Variants in MTMR12 observed in about 807,000 individuals in gnomAD.
MTMR12 encodes the protein myotubularin-related protein 12.
MTMR12 carries 33 observed loss-of-function variants against 96.7 expected under a neutral mutation model. The ratio of observed to expected loss-of-function variants is 0.34; its 90% CI spans 0.26 to 0.46. MTMR12 has a LOEUF of 0.46. Among genes scored for constraint, MTMR12 ranks in the 20% least tolerant of loss-of-function variants. The pLI, the probability that MTMR12 is intolerant of heterozygous loss-of-function variation, is 1.00. For missense variants in MTMR12, 721 were observed against 896.1 expected (o/e 0.80, Z 2.49); for synonymous variants, 298 against 327.2 (o/e 0.91, Z 0.96).
intron 7 of MTMR12, among the ~76,000 whole-genome samples, chr5:32,259,841 G>A (rs1441413502): frequency 6.6e-6 from 1 of 152,000 alleles, no homozygotes; most frequent in African/African-American, 2.4e-5. Flanking sequence ...TTCAAGACCA[G>A]CCTGGCCAAC....
At position 32,312,053 on chromosome 5, in the gene MTMR12, T is replaced by A. The variant is rs562246288; in HGVS notation, c.81+705A>T. Among the ~76,000 whole-genome samples, 29 of 152,324 alleles carry A rather than the reference T, an allele frequency of 1.9e-4. No homozygotes were observed. The highest frequency in any genetic ancestry group is 3.5e-4 in the Non-Finnish European group (24 of 68,036). On this transcript the variant is annotated intron_variant, in intron 1 of 15. Transcript: ENST00000382142. This position sits in a 1 kb window ranked among gnomAD's most constrained non-coding sequence, Gnocchi z 5.0. ...ACTGATGTCTATCACAAGCACTTAGTGCCTGACACACAGTAGGAGCTCGAG... is the reference window on the plus strand; with the variant it reads ...ACTGATGTCTATCACAAGCACTTAGAGCCTGACACACAGTAGGAGCTCGAG...
At position 32,270,851 on chromosome 5, in the gene MTMR12, C is replaced by T. The variant is rs1180096753; in HGVS notation, c.455G>A (p.Cys152Tyr). The change falls in exon 5 of 16, where the codon TGT becomes TAT. Residue 152 changes from cysteine (C) to tyrosine (Y), a missense_variant. By Grantham distance (194) the Cys-to-Tyr change is radical. Transcript: ENST00000382142. Reference sequence around the variant, plus strand: ...TTCCTCTTCCTTTGTGTACCTCAGACAAAACTGGAACACTCGAAGGTCTTT... The same window carrying T: ...TTCCTCTTCCTTTGTGTACCTCAGATAAAACTGGAACACTCGAAGGTCTTT... Reference protein sequence around the residue: ...HCKDLRVFQFCLRYTKEEEVK... With the variant: ...HCKDLRVFQFYLRYTKEEEVK... 13 of 1,613,534 alleles carry T rather than the reference C, an allele frequency of 8.1e-6. No individual in the cohort carries two copies. Among genetic ancestry groups the T allele is most frequent in the Non-Finnish European group, 1.1e-5 (13 of 1,179,822 alleles).
chr5:32,311,593 A>G (rs970070777), intron 1 of MTMR12, among the ~76,000 whole-genome samples: 11 of 152,218 alleles, frequency 7.2e-5, no homozygotes, highest in African/African-American at 2.7e-4. Flanking sequence ...AGGGCAGAAA[A>G]AAACCTTTAC....
At chr5:32,269,391 C>T (rs1309820832) in intron 5 of MTMR12, among the ~76,000 whole-genome samples, 3 of 152,000 alleles carry the variant, frequency 2.0e-5, no homozygotes, top group East Asian at 1.9e-4. Flanking sequence ...GCAACCTCCA[C>T]CTCCTGGGTT....
intron 10 of MTMR12, among the ~76,000 whole-genome samples, chr5:32,246,100 TCTGTTGA>T (rs747226826): frequency 7.1e-4 from 108 of 152,294 alleles, no homozygotes; most frequent in Middle Eastern, 3.4e-3. Context: ...ATTTAAAATT[TCTGTTGA>T]AAGCTCTGCT....
intron 3 of MTMR12, among the ~76,000 whole-genome samples, chr5:32,273,152 C>T (rs1204327482): frequency 1.3e-5 from 2 of 152,132 alleles, no homozygotes; most frequent in African/African-American, 2.4e-5. Context: ...GTAATCCCAG[C>T]ACTTTGAGAG....
At chr5:32,277,326 C>T (rs1488917226) in intron 1 of MTMR12, among the ~76,000 whole-genome samples, 1 of 152,156 alleles carries the variant, frequency 6.6e-6, no homozygotes, top group Non-Finnish European at 1.5e-5. Context: ...GTGAGGTGGG[C>T]ACTCCTTATC....
At chr5:32,299,066 CACAT>C (rs1751034076) in intron 1 of MTMR12, among the ~76,000 whole-genome samples, 2 of 150,314 alleles carry the variant, frequency 1.3e-5, no homozygotes, top group African/African-American at 5.0e-5. Flanking sequence ...CACACACACA[CACAT>C]ACACATACAC....
At chr5:32,275,388 C>T (rs547886991) in intron 2 of MTMR12, among the ~76,000 whole-genome samples, 72 of 152,328 alleles carry the variant, frequency 4.7e-4, no homozygotes, top group Non-Finnish European at 9.3e-4. Context: ...GCTTCCTGTG[C>T]TTTCACCTCC....
At chr5:32,305,828 G>A (rs1445416685) in intron 1 of MTMR12, among the ~76,000 whole-genome samples, 5 of 152,086 alleles carry the variant, frequency 3.3e-5, no homozygotes, top group Admixed American at 6.5e-5. Context: ...GCTTGAACCC[G>A]GGAGGCGGAG....
intron 1 of MTMR12, among the ~76,000 whole-genome samples, chr5:32,279,982 G>A (rs1414835218): frequency 6.6e-6 from 1 of 152,162 alleles, no homozygotes; most frequent in Non-Finnish European, 1.5e-5. Context: ...CTAGGGGCTG[G>A]GGACATACAG....
intron 14 of MTMR12, 116 bp from the exon 15 acceptor site, chr5:32,234,050 A>C: frequency 8.1e-7 from 1 of 1,238,430 alleles, no homozygotes; most frequent in South Asian, 1.5e-5. Context: ...AGAATGAATA[A>C]TCATGGGCAT....
chr5:32,268,881 G>A, intron 5 of MTMR12, 87 bp from the exon 6 acceptor site: 1 of 1,087,590 alleles, frequency 9.2e-7, no homozygotes, highest in Non-Finnish European at 1.4e-6. Context: ...TAAGTTCTTA[G>A]TCATGCCAAA....
intron 1 of MTMR12, among the ~76,000 whole-genome samples, chr5:32,304,616 T>C (rs1268938514): frequency 6.6e-6 from 1 of 152,200 alleles, no homozygotes; most frequent in East Asian, 1.9e-4. Context: ...CTGTTTAAGA[T>C]GTTTAGAGAA....
chr5:32,254,418 T>C (rs1749063233), intron 8 of MTMR12, among the ~76,000 whole-genome samples: 1 of 152,064 alleles, frequency 6.6e-6, no homozygotes, highest in Admixed American at 6.5e-5. Flanking sequence ...CAGCAGAAAA[T>C]AAAAAGTTTC....
intron 6 of MTMR12, among the ~76,000 whole-genome samples, chr5:32,263,729 C>T (rs1438094448): frequency 6.6e-6 from 1 of 152,040 alleles, no homozygotes; most frequent in Non-Finnish European, 1.5e-5. Flanking sequence ...TGAGCCATCG[C>T]GCCAGGCCAG....
intron 1 of MTMR12, among the ~76,000 whole-genome samples, chr5:32,290,441 T>C (rs1262860969): frequency 6.6e-6 from 1 of 152,212 alleles, no homozygotes; most frequent in East Asian, 1.9e-4. Flanking sequence ...TTTTAGGGGT[T>C]CGGTGGTGTG....
In MTMR12 at chr5:32,245,157, T is replaced by G. The variant is rs149147516; in HGVS notation, c.1022-1558A>C. On this transcript the variant is annotated intron_variant, in intron 10 of 15. Transcript: ENST00000382142. ...TTCAAGCGATTCTTCTGTCTCAGCC[T>G]CCGGAGTAGCTGGCATTACAGGTGC... Among the ~76,000 whole-genome samples, 74 of 152,272 alleles carry G rather than the reference T, an allele frequency of 4.9e-4. No homozygotes were observed. In the East Asian group the frequency reaches 0.014, roughly 29 times the overall value.
intron 12 of MTMR12, 34 bp from the exon 13 acceptor site, chr5:32,239,207 A>G (rs1330390336): frequency 6.7e-7 from 1 of 1,503,624 alleles, no homozygotes. Flanking sequence ...GCAAAGAGGA[A>G]GGAGGGCATA....
Sources: allele counts gnomAD v4.1 joint callset (sites outside exome capture counted in the v4.1 genomes callset), GRCh38; gene constraint gnomAD v4.1.1; non-coding constraint Gnocchi (gnomAD v3.1); transcripts MANE v1.5; gene names NCBI Gene and HGNC (gene_info 2026-07-23, HGNC 2026-07-21).